The following MSRB3 variants were observed in gnomAD, a reference collection of about 807,000 sequenced individuals.
MSRB3 encodes methionine sulfoxide reductase B3.
Under a neutral mutation model 21.0 loss-of-function variants are expected in MSRB3, and 13 were observed. The observed-to-expected ratio is 0.62, with a 90% CI of 0.40 to 0.98. The LOEUF is 0.98. MSRB3 is among the 50% of genes least tolerant of loss of function. The probability of loss-of-function intolerance (pLI) is 0.00; values close to 1 mark genes in which losing one functional copy is unlikely to be tolerated. For missense variants in MSRB3, 199 were observed against 230.3 expected (o/e 0.86, Z 0.88); for synonymous variants, 87 against 88.6 (o/e 0.98, Z 0.10).
chr12:65,443,441 T>A (rs980654085), intron 5 of MSRB3, among the ~76,000 whole-genome samples: 9 of 152,254 alleles, frequency 5.9e-5, no homozygotes, highest in African/African-American at 1.4e-4. Flanking sequence ...GTAAAAAAAA[T>A]GTCTAAAGCA....
At chr12:65,339,757 G>C (rs930236050) in intron 4 of MSRB3, among the ~76,000 whole-genome samples, 4 of 152,116 alleles carry the variant, frequency 2.6e-5, no homozygotes, top group Admixed American at 2.6e-4. Flanking sequence ...GATAACAATA[G>C]ATTCTCCTAA....
intron 1 of MSRB3, among the ~76,000 whole-genome samples, chr12:65,297,245 A>C (rs562161091): frequency 5.9e-5 from 9 of 152,252 alleles, no homozygotes; most frequent in African/African-American, 9.6e-5. Flanking sequence ...GAGGGAGAGC[A>C]TTAGGAAAAA....
At chr12:65,376,922 G>C (rs1275101431) in intron 5 of MSRB3, among the ~76,000 whole-genome samples, 1 of 152,164 alleles carries the variant, frequency 6.6e-6, no homozygotes, top group Non-Finnish European at 1.5e-5. Context: ...ATTACCACCT[G>C]TAAATACAAG....
chr12:65,324,012 C>T (rs1874856763), intron 2 of MSRB3, among the ~76,000 whole-genome samples: 1 of 152,010 alleles, frequency 6.6e-6, no homozygotes, highest in East Asian at 1.9e-4. Context: ...ACTTTGAAAA[C>T]CTAATTATTT....
chr12:65,425,431 C>T (rs955811999), intron 5 of MSRB3, among the ~76,000 whole-genome samples: 5 of 151,802 alleles, frequency 3.3e-5, no homozygotes, highest in Non-Finnish European at 7.4e-5. Flanking sequence ...TCATTTTTTC[C>T]TTTCTCTTTT....
At chr12:65,293,533 G>A (rs1182736385) in intron 1 of MSRB3, among the ~76,000 whole-genome samples, 1 of 152,048 alleles carries the variant, frequency 6.6e-6, no homozygotes, top group Non-Finnish European at 1.5e-5. Flanking sequence ...CCCGTGTCTG[G>A]AATACTTCTT....
intron 1 of MSRB3, among the ~76,000 whole-genome samples, chr12:65,281,101 C>T (rs116653629): frequency 0.014 from 2,160 of 152,162 alleles, 58 homozygotes; most frequent in African/African-American, 0.05. Context: ...TAGTGGCTCA[C>T]TCCTGTGGTC....
At chr12:65,350,638 CAA>C (rs1285758224) in intron 4 of MSRB3, among the ~76,000 whole-genome samples, 1 of 145,276 alleles carries the variant, frequency 6.9e-6, no homozygotes, top group Non-Finnish European at 1.5e-5. Flanking sequence ...AAATGGAAAA[CAA>C]AAAAAGGCAG....
intron 2 of MSRB3, among the ~76,000 whole-genome samples, chr12:65,322,430 G>A (rs531328000): frequency 2.0e-3 from 300 of 151,944 alleles, no homozygotes; most frequent in Middle Eastern, 0.01. Flanking sequence ...AGGCCGAGGC[G>A]GGCAGATCAC....
At chr12:65,418,767 G>A (rs117026278) in intron 5 of MSRB3, 16,842 of 946,628 alleles carry the variant, frequency 0.018, 309 homozygotes, top group Non-Finnish European at 0.02. Context: ...ACACCACTTT[G>A]CCATCCACTG....
chr12:65,341,971 G>T (rs1229219277), intron 4 of MSRB3, among the ~76,000 whole-genome samples: 2 of 151,920 alleles, frequency 1.3e-5, no homozygotes, highest in African/African-American at 2.4e-5. Flanking sequence ...GAAGTCATTT[G>T]TAAGGGTATA....
At chr12:65,364,534 A>T (rs1877895369) in intron 4 of MSRB3, among the ~76,000 whole-genome samples, 1 of 152,220 alleles carries the variant, frequency 6.6e-6, no homozygotes, top group South Asian at 2.1e-4. Flanking sequence ...TTGTATCCCT[A>T]CCATCTAGCA....
intron 1 of MSRB3, chr12:65,284,839 T>C (rs568814305): frequency 7.2e-5 from 11 of 152,168 alleles, no homozygotes; most frequent in Non-Finnish European, 1.6e-4. Context: ...ACATGGGAAG[T>C]GTTGGACAAA....
chr12:65,445,338 A>G (rs965582337), intron 5 of MSRB3, among the ~76,000 whole-genome samples: 3 of 151,228 alleles, frequency 2.0e-5, no homozygotes, highest in African/African-American at 7.3e-5. Context: ...GTCTGCTTTC[A>G]GAACCATTTT....
At chr12:65,325,895 T>G (rs1321782859) in intron 2 of MSRB3, among the ~76,000 whole-genome samples, 2 of 152,214 alleles carry the variant, frequency 1.3e-5, no homozygotes, top group Admixed American at 1.3e-4. Context: ...AATAAAATAC[T>G]ACATATAAAC....
intron 5 of MSRB3, among the ~76,000 whole-genome samples, chr12:65,420,600 T>C (rs970547635): frequency 9.2e-5 from 14 of 152,040 alleles, no homozygotes; most frequent in African/African-American, 3.4e-4. Context: ...TGCCCAATAG[T>C]GATTTTTCCT....
intron 1 of MSRB3, chr12:65,279,114 G>C: frequency 7.3e-7 from 1 of 1,372,914 alleles, no homozygotes; most frequent in Non-Finnish European, 9.4e-7. Context: ...GAGGCGTCTG[G>C]CAGCCTCACT....
chr12:65,309,756 G>T lies in MSRB3; in HGVS notation c.76+1101G>T, dbSNP rs188660307. ...ACAGTTAGCCTGGTTTCTAAGCAGGGTGGTGGGGAGGCCGTTTTTAACAAA... is the reference window on the plus strand; with the variant it reads ...ACAGTTAGCCTGGTTTCTAAGCAGGTTGGTGGGGAGGCCGTTTTTAACAAA... On this transcript the variant is annotated intron_variant, in intron 2 of 6. Transcript: ENST00000308259. 6.4e-3 allele frequency among the ~76,000 whole-genome samples: 970 copies of T among 152,266 alleles called. 7 individuals carry two copies. The highest frequency in any genetic ancestry group is 0.024 in the South Asian group (115 of 4,824).
chr12:65,374,376 A>G (rs1162165699), intron 5 of MSRB3, among the ~76,000 whole-genome samples: 1 of 152,224 alleles, frequency 6.6e-6, no homozygotes, highest in Non-Finnish European at 1.5e-5. Flanking sequence ...AGCTGTGAAC[A>G]GGGTGGATAC....
Sources: allele counts gnomAD v4.1 joint callset (sites outside exome capture counted in the v4.1 genomes callset), GRCh38; gene constraint gnomAD v4.1.1; transcripts MANE v1.5; gene names NCBI Gene and HGNC (gene_info 2026-07-23, HGNC 2026-07-21).